ZNF143: variants seen among roughly 807,000 people sequenced by gnomAD.
ZNF143 encodes the protein zinc finger protein 143, also known as SPH-binding factor.
ZNF143 carries 49 observed loss-of-function variants against 74.1 expected under a neutral mutation model. The observed-to-expected ratio is 0.66, with a 90% CI of 0.53 to 0.84. ZNF143 has a LOEUF of 0.84. Among genes scored for constraint, ZNF143 ranks in the 40% least tolerant of loss-of-function variants. The pLI is 0.00. For missense variants in ZNF143, 637 were observed against 793.4 expected (o/e 0.80, Z 2.37); for synonymous variants, 304 against 282.8 (o/e 1.07, Z -0.75).
intron 1 of ZNF143, among the ~76,000 whole-genome samples, chr11:9,465,375 C>T (rs370986892): frequency 1.1e-4 from 17 of 151,908 alleles, no homozygotes; most frequent in Admixed American, 7.9e-4. Context: ...TTAGTAGAGA[C>T]GGGGTTTCAC....
At chr11:9,503,536 A>G (rs1285750765) in intron 11 of ZNF143, among the ~76,000 whole-genome samples, 1 of 152,008 alleles carries the variant, frequency 6.6e-6, no homozygotes, top group East Asian at 1.9e-4. Flanking sequence ...CCCAGCTAAC[A>G]GTTGTTATTA....
chr11:9,520,664 C>CTTTA (rs1486734834), intron 14 of ZNF143, among the ~76,000 whole-genome samples: 4 of 152,042 alleles, frequency 2.6e-5, no homozygotes, highest in African/African-American at 9.7e-5. Context: ...TGGTGTGCAC[C>CTTTA]TTTAGTCCCA....
chr11:9,468,344 G>C (rs1856368642), intron 1 of ZNF143, among the ~76,000 whole-genome samples: 1 of 152,174 alleles, frequency 6.6e-6, no homozygotes, highest in South Asian at 2.1e-4. Flanking sequence ...TCTGCTCTCA[G>C]CTCTTTCCTG....
intron 5 of ZNF143, among the ~76,000 whole-genome samples, chr11:9,475,662 A>T (rs563253627): frequency 5.3e-5 from 8 of 152,130 alleles, no homozygotes; most frequent in Non-Finnish European, 8.8e-5. Flanking sequence ...AGGCCGATGC[A>T]GGCGGATCAC....
chr11:9,466,605 C>CTT (rs1856232744), intron 1 of ZNF143, among the ~76,000 whole-genome samples: 1 of 151,522 alleles, frequency 6.6e-6, no homozygotes, highest in Non-Finnish European at 1.5e-5. Context: ...ATAATTTTTT[C>CTT]CTTTTTTTTA....
intron 1 of ZNF143, among the ~76,000 whole-genome samples, chr11:9,465,554 C>T (rs900334663): frequency 6.6e-6 from 1 of 151,746 alleles, no homozygotes; most frequent in Non-Finnish European, 1.5e-5. Flanking sequence ...GGCTGGAGTG[C>T]AGTGGCGTGA....
At chr11:9,486,429 T>TTATATATTA (rs1847536567) in intron 7 of ZNF143, among the ~76,000 whole-genome samples, 1 of 45,224 alleles carries the variant, frequency 2.2e-5, no homozygotes, top group Non-Finnish European at 4.4e-5. Context: ...ATTATATATA[T>TTATATATTA]TATATATATA....
At chr11:9,522,601 C>T (rs372514282) in intron 14 of ZNF143, among the ~76,000 whole-genome samples, 2 of 152,182 alleles carry the variant, frequency 1.3e-5, no homozygotes, top group East Asian at 3.8e-4. Context: ...TCAAGCGATT[C>T]TCCTGCCTCA....
At chr11:9,473,659 A>G (rs545428898) in intron 3 of ZNF143, 32 of 738,536 alleles carry the variant, frequency 4.3e-5, no homozygotes, top group Non-Finnish European at 6.3e-5. Context: ...TCTGAAAGGT[A>G]TAAAGCAGTC....
intron 2 of ZNF143, among the ~76,000 whole-genome samples, chr11:9,472,155 C>G (rs566383732): frequency 6.6e-6 from 1 of 151,948 alleles, no homozygotes; most frequent in Admixed American, 6.6e-5. Flanking sequence ...TCTCAAACTC[C>G]TGGGCTCAAG....
At position 9,525,326 on chromosome 11, in the gene ZNF143, C is replaced by A. The variant is rs1477600984; in HGVS notation, c.1773C>A (p.Thr591=). 6.2e-7 allele frequency: 1 copy of A among 1,614,156 alleles called. No individual in the cohort carries two copies. Among genetic ancestry groups the A allele is most frequent in the Non-Finnish European group, 8.5e-7 (1 of 1,180,034 alleles). ...GHQQHSHHLV[T]TETRPLTLVA... ...AGCAGCATAGCCATCACTTAGTAAC[C>A]ACAGAAACCAGACCTCTGACCTTAG... The change falls in exon 15 of 16, where the codon ACC becomes ACA. Residue 591 remains threonine (T), a synonymous_variant. Transcript: ENST00000396602.
intron 10 of ZNF143, among the ~76,000 whole-genome samples, 157 bp downstream of exon 10, chr11:9,497,957 A>G (rs1848024502): frequency 6.6e-6 from 1 of 151,946 alleles, no homozygotes; most frequent in African/African-American, 2.4e-5. Context: ...CAGCTTCCCA[A>G]GTAGCTGGGA....
At chr11:9,475,496 G>A (rs531812471) in intron 5 of ZNF143, among the ~76,000 whole-genome samples, 18 of 151,114 alleles carry the variant, frequency 1.2e-4, no homozygotes, top group Admixed American at 4.0e-4. Flanking sequence ...GCTCAGGCTG[G>A]TCCTGAACTC....
At chr11:9,498,373 A>C (rs1848043738) in intron 10 of ZNF143, among the ~76,000 whole-genome samples, 6 of 152,332 alleles carry the variant, frequency 3.9e-5, no homozygotes, top group Admixed American at 1.3e-4. Context: ...TTGTCTGGGC[A>C]ACAAGTTTAT....
At chr11:9,471,135 C>T in intron 1 of ZNF143, 167 bp from the exon 2 acceptor site, 1 of 474,854 alleles carries the variant, frequency 2.1e-6, no homozygotes, top group Non-Finnish European at 3.6e-6. Context: ...AAGAAGCATG[C>T]CTTGGACTTT....
intron 11 of ZNF143, among the ~76,000 whole-genome samples, chr11:9,505,944 G>A (rs1848349049): frequency 2.0e-5 from 3 of 151,802 alleles, no homozygotes; most frequent in Admixed American, 2.0e-4. Context: ...AAATATATGT[G>A]CTTAAGTGCC....
chr11:9,488,549 A>T (rs895152891), intron 7 of ZNF143, among the ~76,000 whole-genome samples: 1 of 152,144 alleles, frequency 6.6e-6, no homozygotes, highest in Admixed American at 6.6e-5. Context: ...TCAGTCTTCA[A>T]ATTTCACCCC....
Position 9,501,248 on chromosome 11 carries a change from A to G in ZNF143, c.1125A>G (p.Lys375=), listed in dbSNP as rs1031047390. 6 of 1,614,044 alleles carry G rather than the reference A, an allele frequency of 3.7e-6. No homozygotes were observed. In the African/African-American group the frequency reaches 6.7e-5, roughly 18 times the overall value. The change falls in exon 11 of 16, where the codon AAA becomes AAG. Residue 375 remains lysine, a synonymous_variant. Coordinates refer to ENST00000396602, the MANE Select transcript of ZNF143 (RefSeq NM_003442.6). The part of the protein sequence containing the change: ...GRAFASATNY[K]NHVRIHTGEK... The stretch of plus-strand genomic sequence containing the variant: ...CATTTGCCAGTGCAACAAATTATAA[A>G]AACCATGTGAGGATACACACAGGTA...
chr11:9,490,924 G>T (rs1847749536), intron 7 of ZNF143, among the ~76,000 whole-genome samples: 1 of 152,110 alleles, frequency 6.6e-6, no homozygotes. Context: ...CAGAGATGGG[G>T]TTCCCCCCAT....
Sources: gnomAD v4.1 joint callset for allele counts (sites outside exome capture counted in the v4.1 genomes callset) on GRCh38, gnomAD v4.1.1 for gene constraint, MANE v1.5 for transcripts, NCBI Gene and HGNC (gene_info 2026-07-23, HGNC 2026-07-21) for gene names.